ATP2C2: variants seen among roughly 807,000 people sequenced by gnomAD.
ATP2C2 encodes ATPase secretory pathway Ca2+ transporting 2.
ATP2C2 carries 171 observed loss-of-function variants against 110.8 expected under a neutral mutation model. The observed-to-expected ratio is 1.54, with a 90% CI of 1.36 to 1.75. The LOEUF is 1.75. Ranked by LOEUF, ATP2C2 falls within the 40% of genes most tolerant of loss-of-function variation. The probability of loss-of-function intolerance (pLI) is 0.00; values close to 1 mark genes in which losing one functional copy is unlikely to be tolerated. For synonymous variants in ATP2C2, 804 were observed against 508.4 expected, an observed-to-expected ratio of 1.58 and a Z score of -7.82; for missense variants, 1,963 against 1,235.0, an observed-to-expected ratio of 1.59 and a Z score of -8.84.
chr16:84,390,232 G>A (rs1021009289), intron 1 of ATP2C2, among the ~76,000 whole-genome samples: 1 of 152,210 alleles, frequency 6.6e-6, no homozygotes, highest in African/African-American at 2.4e-5. Context: ...GGCTGGACGG[G>A]AGGGCGCCAC....
intron 7 of ATP2C2, 131 bp downstream of exon 7, chr16:84,415,722 C>T (rs1906777411): frequency 4.4e-6 from 3 of 686,656 alleles, no homozygotes; most frequent in Non-Finnish European, 7.3e-6. Flanking sequence ...CATGCATACA[C>T]ACAAGACAGG....
intron 24 of ATP2C2, chr16:84,461,460 A>C: frequency 1.7e-6 from 1 of 581,334 alleles, no homozygotes; most frequent in East Asian, 2.9e-5. Context: ...TACTTCCTGG[A>C]GGAAGTGGTG....
intron 1 of ATP2C2, among the ~76,000 whole-genome samples, chr16:84,385,481 A>T (rs9630650): frequency 6.6e-6 from 1 of 151,992 alleles, no homozygotes; most frequent in Non-Finnish European, 1.5e-5. Flanking sequence ...CTCTCATTTA[A>T]CGTCTCCTGT....
intron 10 of ATP2C2, among the ~76,000 whole-genome samples, chr16:84,424,576 C>CTTTTTTTTTTTTTTTTTTTTTT (rs371614449): frequency 3.5e-5 from 4 of 114,872 alleles, no homozygotes; most frequent in African/African-American, 1.6e-4. Flanking sequence ...CCGCACTGGG[C>CTTTTTTTTTTTTTTTTTTTTTT]TTTTTTTTTT....
Position 84,415,521 on chromosome 16 carries a change from A to G in ATP2C2, c.554A>G (p.Glu185Gly). 1 of 1,614,136 alleles carries G rather than the reference A, an allele frequency of 6.2e-7. No individual in the cohort carries two copies. The highest frequency in any genetic ancestry group is 8.5e-7 in the Non-Finnish European group (1 of 1,180,016). The change falls in exon 7 of 27, where the codon GAA (glutamate) becomes GGA (glycine). Residue 185 changes from glutamate to glycine, a missense_variant. Transcript: ENST00000262429. The stretch of plus-strand genomic sequence containing the variant: ...AAACTCCAGCACCTGCTTGCTCGAG[A>G]ACTGGTTCCTGGTGATGTCGTATCT... ...EGKLQHLLAR[E>G]LVPGDVVSLS... is the part of the protein sequence containing the mutation.
chr16:84,420,102 G>A (rs998500591), intron 7 of ATP2C2, among the ~76,000 whole-genome samples: 170 of 152,098 alleles, frequency 1.1e-3, no homozygotes, highest in Non-Finnish European at 5.9e-4. Flanking sequence ...ATCTCATCCC[G>A]GAGGTCTCTG....
chr16:84,423,507 C>T lies in ATP2C2; in HGVS notation c.919+244C>T, dbSNP rs922694609. On this transcript the variant is annotated intron_variant, in intron 10 of 26. Coordinates refer to ENST00000262429, the MANE Select transcript of ATP2C2 (RefSeq NM_014861.4). ...GTAAACGCTTGTTCCTTGCTCACAC[C>T]GCAGTCCAAAGTCCGTGGGTGTATT... Among the ~76,000 whole-genome samples, 20 of 152,330 alleles carry T rather than the reference C, an allele frequency of 1.3e-4. No individual in the cohort carries two copies. In the South Asian group the frequency reaches 2.1e-3, roughly 16 times the overall value.
chr16:84,397,146 C>T (rs1372735528), intron 1 of ATP2C2, among the ~76,000 whole-genome samples: 2 of 151,836 alleles, frequency 1.3e-5, no homozygotes, highest in Non-Finnish European at 2.9e-5. Context: ...ATACCTCACA[C>T]TTTTCCGCTT....
At chr16:84,460,534 C>T (rs767355747) in intron 23 of ATP2C2, 120 bp from the exon 24 acceptor site, 6 of 1,429,858 alleles carry the variant, frequency 4.2e-6, no homozygotes, top group Non-Finnish European at 5.9e-6. Context: ...GGGCGTTCAG[C>T]AAATGCCTGG....
chr16:84,439,536 A>G lies in ATP2C2; in HGVS notation c.1209+12A>G. The G allele has an allele frequency of 6.2e-7, 1 of 1,612,970 alleles. No individual in the cohort carries two copies. Among genetic ancestry groups the G allele is most frequent in the Non-Finnish European group, 8.5e-7 (1 of 1,178,916 alleles). On this transcript the variant is annotated intron_variant, in intron 13 of 26. Transcript: ENST00000262429. ...GGCTTCGTGCCGAGGTGAGTGCCAA[A>G]GGAATTTACAAGCCTTAAGGATGCA...
At chr16:84,424,279 A>AT (rs1035269499) in intron 10 of ATP2C2, among the ~76,000 whole-genome samples, 8 of 151,836 alleles carry the variant, frequency 5.3e-5, no homozygotes, top group Non-Finnish European at 1.2e-4. Flanking sequence ...TCATTCAGAC[A>AT]TTTTTTTTGA....
At position 84,452,044 on chromosome 16, in the gene ATP2C2, C is replaced by T. The variant is rs747238154; in HGVS notation, c.1784C>T (p.Ser595Phe). The T allele has an allele frequency of 6.2e-7, 1 of 1,613,506 alleles. No individual in the cohort carries two copies. Among genetic ancestry groups the T allele is most frequent in the Non-Finnish European group, 8.5e-7 (1 of 1,179,946 alleles). Residue 595 changes from serine to phenylalanine, a missense_variant, in exon 18 of 27, where the codon TCT (serine) becomes TTT (phenylalanine). Transcript: ENST00000262429. ...CAGGTTCTCTCCGAGTCTGGTGTGT[C>T]TGTGAAGATGATAACGGGGGATGCC... Reference protein sequence around the residue: ...AVQVLSESGVSVKMITGDALE... With the variant: ...AVQVLSESGVFVKMITGDALE...
intron 13 of ATP2C2, among the ~76,000 whole-genome samples, chr16:84,440,586 C>T (rs1909154982): frequency 6.6e-6 from 1 of 152,228 alleles, no homozygotes; most frequent in South Asian, 2.1e-4. Context: ...CTCTTCTATG[C>T]TAGTTCTTAG....
At chr16:84,461,130 A>C in intron 24 of ATP2C2, 2 of 335,154 alleles carry the variant, frequency 6.0e-6, no homozygotes, top group Non-Finnish European at 1.1e-5. Flanking sequence ...AATCTGCTAA[A>C]TATCCTCCTG....
chr16:84,376,834 C>A (rs552292986), intron 1 of ATP2C2, among the ~76,000 whole-genome samples: 7 of 152,218 alleles, frequency 4.6e-5, no homozygotes, highest in Non-Finnish European at 7.3e-5. Context: ...AAGGCCAACA[C>A]CTGTCCTGCA....
chr16:84,451,843 C>A (rs1468092745), intron 17 of ATP2C2, 78 bp from the exon 18 acceptor site: 10 of 614,780 alleles, frequency 1.6e-5, no homozygotes, highest in East Asian at 1.4e-4. Flanking sequence ...TCTTAAAAAA[C>A]AACAACAACA....
intron 1 of ATP2C2, among the ~76,000 whole-genome samples, chr16:84,380,529 G>A (rs1397391829): frequency 6.6e-6 from 1 of 152,192 alleles, no homozygotes; most frequent in African/African-American, 2.4e-5. Context: ...GGAAGGTCCT[G>A]TTTGTTTCTG....
intron 2 of ATP2C2, chr16:84,404,669 A>G (rs1597773762): frequency 3.1e-6 from 1 of 327,842 alleles, no homozygotes; most frequent in Admixed American, 4.4e-5. Context: ...TTGTACAAAC[A>G]TCTCTTGGAG....
chr16:84,398,139 C>T (rs561964886), intron 1 of ATP2C2, among the ~76,000 whole-genome samples: 13 of 151,722 alleles, frequency 8.6e-5, no homozygotes, highest in African/African-American at 3.2e-4. Flanking sequence ...GCAGTGGCTC[C>T]ACCTTTAATC....
Sources: gnomAD v4.1 joint callset for allele counts (sites outside exome capture counted in the v4.1 genomes callset) on GRCh38, gnomAD v4.1.1 for gene constraint, MANE v1.5 for transcripts, NCBI Gene and HGNC (gene_info 2026-07-23, HGNC 2026-07-21) for gene names.